Variants in NTNG1 observed in about 807,000 individuals in gnomAD.
NTNG1 encodes the protein netrin-G1.
Under a neutral mutation model 54.0 loss-of-function variants are expected in NTNG1, and 16 were observed. That is an observed-to-expected ratio of 0.30 (90% CI 0.20 to 0.45). The LOEUF is 0.45. Ranked by LOEUF, NTNG1 falls within the 20% of genes least tolerant of loss-of-function variation. NTNG1 has a pLI of 1.00. For missense variants in NTNG1, 530 were observed against 678.7 expected, an observed-to-expected ratio of 0.78 and a Z score of 2.43; for synonymous variants, 255 against 263.1, an observed-to-expected ratio of 0.97 and a Z score of 0.30.
chr1:107,203,523 A>G (rs1482404186), intron 2 of NTNG1, among the ~76,000 whole-genome samples: 1 of 151,402 alleles, frequency 6.6e-6, no homozygotes, highest in Non-Finnish European at 1.5e-5. Context: ...ATATATGAAT[A>G]TATAGTTATA....
At chr1:107,238,486 T>C (rs1661568495) in intron 2 of NTNG1, among the ~76,000 whole-genome samples, 1 of 152,098 alleles carries the variant, frequency 6.6e-6, no homozygotes, top group Admixed American at 6.6e-5. Flanking sequence ...GACATAAGAA[T>C]TGGGAGGAGC....
intron 2 of NTNG1, among the ~76,000 whole-genome samples, chr1:107,190,443 A>G (rs1657816935): frequency 6.6e-6 from 1 of 152,130 alleles, no homozygotes; most frequent in Non-Finnish European, 1.5e-5. Context: ...TATTATTATT[A>G]TACTTTAAGT....
intron 2 of NTNG1, among the ~76,000 whole-genome samples, chr1:107,218,692 T>G (rs190628808): frequency 0.013 from 2,056 of 152,322 alleles, 29 homozygotes; most frequent in Middle Eastern, 0.041. Flanking sequence ...TGTAAAAGAC[T>G]ATCTTTCCTT....
chr1:107,385,199 C>G (rs145962839), intron 3 of NTNG1, among the ~76,000 whole-genome samples: 141 of 152,298 alleles, frequency 9.3e-4, no homozygotes, highest in African/African-American at 3.3e-3. Flanking sequence ...TAACAGTGCC[C>G]TAGGACTGGG....
chr1:107,458,906 A>G (rs1341787021), intron 7 of NTNG1, among the ~76,000 whole-genome samples: 2 of 152,198 alleles, frequency 1.3e-5, no homozygotes, highest in Non-Finnish European at 2.9e-5. Context: ...CTTGTAAGGA[A>G]TATAACTTAA....
intron 2 of NTNG1, among the ~76,000 whole-genome samples, chr1:107,258,605 A>G (rs1322783216): frequency 6.6e-6 from 1 of 152,182 alleles, no homozygotes; most frequent in Non-Finnish European, 1.5e-5. Flanking sequence ...GGCTTCTATT[A>G]TATCCTGATT....
At chr1:107,229,624 T>C in intron 2 of NTNG1, among the ~76,000 whole-genome samples, 1 of 152,090 alleles carries the variant, frequency 6.6e-6, no homozygotes, top group Non-Finnish European at 1.5e-5. Context: ...GTTGGGCTGC[T>C]CTGTGGGGAG....
intron 2 of NTNG1, among the ~76,000 whole-genome samples, chr1:107,191,270 G>T (rs1298312751): frequency 5.3e-5 from 8 of 151,478 alleles, no homozygotes; most frequent in Middle Eastern, 3.2e-3. Context: ...TTTTTGATGG[G>T]GTTGTTTGTT....
intron 3 of NTNG1, among the ~76,000 whole-genome samples, chr1:107,387,289 T>C (rs965212712): frequency 6.6e-6 from 1 of 152,234 alleles, no homozygotes; most frequent in Non-Finnish European, 1.5e-5. Flanking sequence ...AGAACCTTAG[T>C]GCTAGTCCAG....
chr1:107,461,008 C>G (rs984616753), intron 7 of NTNG1, among the ~76,000 whole-genome samples: 7 of 152,156 alleles, frequency 4.6e-5, no homozygotes, highest in Non-Finnish European at 7.4e-5. Context: ...TATCCCTGGC[C>G]TATTTTTAGG....
intron 2 of NTNG1, among the ~76,000 whole-genome samples, chr1:107,228,553 C>CAAT (rs1407834554): frequency 1.3e-5 from 2 of 152,052 alleles, no homozygotes; most frequent in Admixed American, 6.6e-5. Context: ...AAAACAACTG[C>CAAT]AATAATAATA....
At chr1:107,291,473 A>G (rs1428085527) in intron 2 of NTNG1, among the ~76,000 whole-genome samples, 1 of 152,148 alleles carries the variant, frequency 6.6e-6, no homozygotes, top group Admixed American at 6.6e-5. Flanking sequence ...TCAACTGTAC[A>G]TGTACATATG....
chr1:107,224,305 G>C (rs1660539151), intron 2 of NTNG1, among the ~76,000 whole-genome samples: 1 of 152,156 alleles, frequency 6.6e-6, no homozygotes, highest in South Asian at 2.1e-4. Context: ...CTAAATCAAA[G>C]CTCACGTTGT....
chr1:107,424,429 G>A (rs1384464932), intron 5 of NTNG1, among the ~76,000 whole-genome samples: 1 of 152,094 alleles, frequency 6.6e-6, no homozygotes, highest in East Asian at 1.9e-4. Flanking sequence ...AAGATGTGAA[G>A]CCATTAGAAT....
intron 7 of NTNG1, among the ~76,000 whole-genome samples, chr1:107,453,996 T>A (rs1242001757): frequency 1.3e-5 from 2 of 151,888 alleles, no homozygotes; most frequent in Non-Finnish European, 2.9e-5. Flanking sequence ...CTGTGATAGG[T>A]CCAAAATAAA....
chr1:107,165,406 T>C (rs1483365021), intron 2 of NTNG1, among the ~76,000 whole-genome samples: 1 of 152,206 alleles, frequency 6.6e-6, no homozygotes, highest in African/African-American at 2.4e-5. Flanking sequence ...GAAAAATCCC[T>C]AACTCCTTTT....
chr1:107,433,574 A>C (rs1258969466), intron 6 of NTNG1, among the ~76,000 whole-genome samples: 1 of 152,156 alleles, frequency 6.6e-6, no homozygotes, highest in South Asian at 2.1e-4. Flanking sequence ...ATAAAAAGTA[A>C]TATTAGCTAG....
chr1:107,199,288 T>C (rs1048289621), intron 2 of NTNG1, among the ~76,000 whole-genome samples: 6 of 141,326 alleles, frequency 4.2e-5, no homozygotes, highest in Non-Finnish European at 7.8e-5. Context: ...CTTTTTTTTT[T>C]CTATTCCTAA....
intron 2 of NTNG1, among the ~76,000 whole-genome samples, chr1:107,265,861 C>T (rs893974255): frequency 6.6e-6 from 1 of 152,126 alleles, no homozygotes; most frequent in African/African-American, 2.4e-5. Flanking sequence ...TGGTTGGCCT[C>T]CTACCAGGAG....
Sources: allele counts gnomAD v4.1 joint callset (sites outside exome capture counted in the v4.1 genomes callset), GRCh38; gene constraint gnomAD v4.1.1; transcripts MANE v1.5; gene names NCBI Gene and HGNC (gene_info 2026-07-23, HGNC 2026-07-21).